The following NFILZ variants were observed in gnomAD, a reference collection of about 807,000 sequenced individuals.
The protein encoded by NFILZ is NFIL3 like basic leucine zipper.
rs2043046240 is a variant in NFILZ at position 8,663,742 on chromosome 19, G to GTGTGTGTGTATGTGTGTGTA, written c.-163-10800_-163-10799insATGTGTGTGTATGTGTGTGT. Among the ~76,000 whole-genome samples, 415 of 83,960 alleles carry GTGTGTGTGTATGTGTGTGTA rather than the reference G, an allele frequency of 4.9e-3. 13 individuals are homozygous for GTGTGTGTGTATGTGTGTGTA. Among genetic ancestry groups the GTGTGTGTGTATGTGTGTGTA allele is most frequent in the African/African-American group, 0.024 (364 of 15,346 alleles). 55.1% of individuals were successfully genotyped at this position (83,960 alleles called of 152,430 possible). On this transcript the variant is annotated intron_variant, in intron 3 of 5. Coordinates refer to ENST00000691075, the MANE Select transcript of NFILZ (RefSeq NM_001378600.1). Reference sequence around the variant, plus strand: ...TGTGTTTGTGTGTGTGTGTGTGTGTGTGTGTGTGTGTGTGTGTGTGTGTGT... The same window carrying GTGTGTGTGTATGTGTGTGTA: ...TGTGTTTGTGTGTGTGTGTGTGTGTGTGTGTGTGTATGTGTGTGTATGTGTGTGTGTGTGTGTGTGTGTGT...
intron 3 of NFILZ, among the ~76,000 whole-genome samples, chr19:8,659,486 C>T (rs2043019918): frequency 6.6e-6 from 1 of 151,918 alleles, no homozygotes; most frequent in Admixed American, 6.6e-5. Context: ...GCGGTGACTC[C>T]GAATGGTGGG....
chr19:8,641,240 T>TG (rs1568418068), intron 3 of NFILZ, among the ~76,000 whole-genome samples: 2 of 151,548 alleles, frequency 1.3e-5, no homozygotes, highest in African/African-American at 4.9e-5. Flanking sequence ...TTTGTAGAGA[T>TG]GGGGTCTCCT....
intron 3 of NFILZ, among the ~76,000 whole-genome samples, chr19:8,641,325 C>T (rs1291078125): frequency 2.0e-5 from 3 of 152,034 alleles, no homozygotes; most frequent in East Asian, 3.9e-4. Context: ...GTGCTGAGAT[C>T]ACAGGCGTGA....
intron 3 of NFILZ, among the ~76,000 whole-genome samples, chr19:8,661,405 G>C (rs1407366049): frequency 6.6e-6 from 1 of 151,910 alleles, no homozygotes; most frequent in South Asian, 2.1e-4. Flanking sequence ...TCCATCCGTG[G>C]TCACTTAAAT....
intron 3 of NFILZ, among the ~76,000 whole-genome samples, chr19:8,670,503 T>A (rs2043081602): frequency 6.6e-6 from 1 of 151,920 alleles, no homozygotes; most frequent in Non-Finnish European, 1.5e-5. Flanking sequence ...GAAATGTGAG[T>A]GAGTGAATGA....
intron 1 of NFILZ, among the ~76,000 whole-genome samples, chr19:8,631,513 G>A (rs782335257): frequency 5.3e-5 from 8 of 152,094 alleles, no homozygotes; most frequent in Non-Finnish European, 1.0e-4. Context: ...GGAAGGCAGC[G>A]GAGTCCCCTG....
In NFILZ at chr19:8,678,992, T is replaced by C. The variant is rs1169281171; in HGVS notation, c.*1357T>C. Among the ~76,000 whole-genome samples the C allele has an allele frequency of 6.6e-6, 1 of 152,224 alleles. No individual in the cohort carries two copies. Among genetic ancestry groups the C allele is most frequent in the East Asian group, 1.9e-4 (1 of 5,156 alleles). On this transcript the variant is annotated 3_prime_UTR_variant, in exon 6 of 6. Coordinates refer to ENST00000691075, the MANE Select transcript of NFILZ (RefSeq NM_001378600.1). ...GTCTAGGGTGTCTGAATCCCCCTTCTTGGTGTCCCCTGGGGGGCTTGCTTA... is the reference window on the plus strand; with the variant it reads ...GTCTAGGGTGTCTGAATCCCCCTTCCTGGTGTCCCCTGGGGGGCTTGCTTA...
Position 8,639,228 on chromosome 19 carries a change from A to G in NFILZ, c.-164+3482A>G, listed in dbSNP as rs1328235819. ...GGGTGAGAGGAAGGAGGGCAAAGGC[A>G]GAGAGGTGACAGTGGGTGTTGTGGG... On this transcript the variant is annotated intron_variant, in intron 3 of 5. Transcript: ENST00000691075. Among the ~76,000 whole-genome samples, 5 of 152,210 alleles carry G rather than the reference A, an allele frequency of 3.3e-5. 1 individual carries two copies. The highest frequency in any genetic ancestry group is 3.3e-4 in the Admixed American group (5 of 15,276).
Position 8,659,777 on chromosome 19 carries a change from C to T in NFILZ, c.-163-14774C>T, listed in dbSNP as rs368276692. 7.9e-5 allele frequency among the ~76,000 whole-genome samples: 12 copies of T among 152,222 alleles called. No individual in the cohort carries two copies. The East Asian group carries it at 2.1e-3, about 27-fold the overall frequency. On this transcript the variant is annotated intron_variant, in intron 3 of 5. Coordinates refer to ENST00000691075, the MANE Select transcript of NFILZ (RefSeq NM_001378600.1). ...CCAATTCGTGCCCTCTGAGTCCCCA[C>T]GGATGAAGCTCTGGCCTGTTTCCAG...
At chr19:8,656,441 T>TTC (rs2043000632) in intron 3 of NFILZ, among the ~76,000 whole-genome samples, 10 of 68,708 alleles carry the variant, frequency 1.5e-4, no homozygotes, top group East Asian at 6.8e-4. Flanking sequence ...GCCCACCTTC[T>TTC]CCTCGAAGCC....
chr19:8,656,203 G>GTTCTCCCTGAAGCCCACC (rs1555748298), intron 3 of NFILZ, among the ~76,000 whole-genome samples: 1 of 105,922 alleles, frequency 9.4e-6, no homozygotes, highest in African/African-American at 3.1e-5. Flanking sequence ...CAAAGCCAGT[G>GTTCTCCCTGAAGCCCACC]TTCTCCCTGC....
At position 8,677,588 on chromosome 19, in the gene NFILZ, T is replaced by G. The variant is rs2043116921; in HGVS notation, c.823T>G (p.Ser275Ala). Residue 275 changes from serine to alanine, a missense_variant, in exon 6 of 6, where the codon TCA (serine) becomes GCA (alanine). Coordinates refer to ENST00000691075, the MANE Select transcript of NFILZ (RefSeq NM_001378600.1). ...PHKLRIKSRA[S>A]GRVPRGWEGG... ...CAAACTGCGCATCAAGTCCCGAGCC[T>G]CAGGCAGGGTACCTCGTGGCTGGGA... The G allele has an allele frequency of 6.6e-6, 1 of 152,376 alleles. No homozygotes were observed. Among genetic ancestry groups the G allele is most frequent in the Non-Finnish European group, 1.5e-5 (1 of 68,186 alleles). 9.4% of individuals were successfully genotyped at this position (152,376 alleles called of 1,614,324 possible).
intron 3 of NFILZ, among the ~76,000 whole-genome samples, chr19:8,641,244 G>T (rs2042917881): frequency 6.6e-6 from 1 of 151,722 alleles, no homozygotes; most frequent in South Asian, 2.1e-4. Flanking sequence ...TAGAGATGGG[G>T]TCTCCTTATG....
intron 3 of NFILZ, among the ~76,000 whole-genome samples, chr19:8,657,426 G>T (rs1291469612): frequency 2.0e-5 from 3 of 152,048 alleles, no homozygotes; most frequent in Non-Finnish European, 4.4e-5. Flanking sequence ...GTCTGCAGGG[G>T]GTCGTTGGGG....
chr19:8,649,841 G>A (rs2042957255), intron 3 of NFILZ, among the ~76,000 whole-genome samples: 3 of 152,002 alleles, frequency 2.0e-5, no homozygotes, highest in Non-Finnish European at 4.4e-5. Context: ...TTGGCCGGGC[G>A]TGGTAGCTCA....
chr19:8,663,734 G>GTGTGTGTGTGTGTGTATGTGTGTGTA (rs2043045536), intron 3 of NFILZ, among the ~76,000 whole-genome samples: 33 of 110,644 alleles, frequency 3.0e-4, no homozygotes, highest in Non-Finnish European at 4.7e-4. Flanking sequence ...GTGTGTGTGT[G>GTGTGTGTGTGTGTGTATGTGTGTGTA]TGTGTGTGTG....
rs569974901 is a variant in NFILZ at position 8,648,822 on chromosome 19, C to A, written c.-164+13076C>A. 6.0e-5 allele frequency among the ~76,000 whole-genome samples: 9 copies of A among 149,616 alleles called. No homozygotes were observed. The South Asian group carries it at 1.5e-3, about 25-fold the overall frequency. ...TGAGTCAAGACCATGCCATTGCACT[C>A]CAGCCTGGGCAACAAAGTGAGACTC... is the stretch of plus-strand genomic sequence containing the variant. On this transcript the variant is annotated intron_variant, in intron 3 of 5. Coordinates refer to ENST00000691075, the MANE Select transcript of NFILZ (RefSeq NM_001378600.1).
chr19:8,633,581 A>G (rs1175681449), intron 2 of NFILZ, among the ~76,000 whole-genome samples: 1 of 151,854 alleles, frequency 6.6e-6, no homozygotes, highest in Non-Finnish European at 1.5e-5. Context: ...CCCTCTCTCT[A>G]CCTTCCCCCA....
intron 3 of NFILZ, among the ~76,000 whole-genome samples, chr19:8,639,437 A>G (rs1046561740): frequency 3.3e-5 from 5 of 151,974 alleles, no homozygotes; most frequent in Non-Finnish European, 7.4e-5. Context: ...AAACAAAACA[A>G]AACGCAACAA....
Sources: allele counts gnomAD v4.1 joint callset (sites outside exome capture counted in the v4.1 genomes callset), GRCh38; gene constraint gnomAD v4.1.1; transcripts MANE v1.5; gene names NCBI Gene and HGNC (gene_info 2026-07-23, HGNC 2026-07-21).